Variants in CEP95 observed in about 807,000 individuals in gnomAD.
CEP95 encodes the protein centrosomal protein of 95 kDa.
In CEP95, 98 loss-of-function variants were observed where a neutral mutation model predicts 111.2. The observed-to-expected ratio is 0.88, with a 90% CI of 0.75 to 1.04. The LOEUF is 1.04. Ranked by LOEUF, CEP95 falls within the 50% of genes least tolerant of loss-of-function variation. CEP95 has a pLI of 0.00. For synonymous variants in CEP95, 323 were observed against 327.1 expected, an observed-to-expected ratio of 0.99 and a Z score of 0.14; for missense variants, 1,027 against 977.2, an observed-to-expected ratio of 1.05 and a Z score of -0.68.
chr17:64,532,663 A>T, intron 14 of CEP95, 176 bp from the exon 15 acceptor site: 1 of 1,416,412 alleles, frequency 7.1e-7, no homozygotes, highest in Non-Finnish European at 9.2e-7. Flanking sequence ...TTTTATCCTT[A>T]CCAGTAGTTG....
rs782269958 is a variant in CEP95, at chr17:64,522,803, C to T, written c.817C>T (p.Arg273Ter). ...TCCACCCTACCACCCTTCAGAGCCT[C>T]GAGCACCCTGCCCCATAGGAAAAGA... is the stretch of plus-strand genomic sequence containing the variant. Reference protein sequence around the residue: ...LHPPYHPSEPRAPCPIGKEYL... With the variant: ...LHPPYHPSEP Residue 273 changes from arginine to a stop codon, truncating the protein, a stop_gained, in exon 8 of 20, where the codon CGA (arginine) becomes TGA (stop). Transcript: ENST00000556440. LOFTEE classifies it high-confidence loss of function. 5.6e-6 allele frequency: 9 copies of T among 1,613,740 alleles called. No individual in the cohort carries two copies. Among genetic ancestry groups the T allele is most frequent in the African/African-American group, 4.0e-5 (3 of 74,898 alleles).
rs1555679727 is a variant in CEP95, at chr17:64,529,254, G to A, written c.1307-34G>A. The A allele has an allele frequency of 2.5e-6, 4 of 1,581,726 alleles. No homozygotes were observed. The South Asian group carries it at 4.7e-5, about 18-fold the overall frequency. On this transcript the variant is annotated intron_variant, in intron 11 of 19. Transcript: ENST00000556440. ...TTCCAGCATAACATTCTGGCTATCA[G>A]GAACTAATGTTATATGTCTTTTCTC...
intron 6 of CEP95, among the ~76,000 whole-genome samples, chr17:64,521,097 C>T (rs1967298305): frequency 2.0e-5 from 3 of 152,072 alleles, no homozygotes. Flanking sequence ...ATTAGCCAGG[C>T]ATGGTGGCGG....
intron 14 of CEP95, 88 bp downstream of exon 14, chr17:64,532,110 C>T: frequency 1.4e-6 from 2 of 1,393,982 alleles, no homozygotes; most frequent in Non-Finnish European, 1.9e-6. Context: ...TGAAAGCTAA[C>T]ATCCACCAGT....
At position 64,510,228 on chromosome 17, in the gene CEP95, A is replaced by G. The variant is rs2038822019; in HGVS notation, c.204A>G (p.Val68=). ...QEDDAHNVQA[V]IDSLALDYLQ... is the part of the protein sequence containing the mutation. ...ATGATGCACACAATGTACAAGCAGTAATTGATTCACTGGCCTTGGACTACT... is the reference window on the plus strand; with the variant it reads ...ATGATGCACACAATGTACAAGCAGTGATTGATTCACTGGCCTTGGACTACT... Residue 68 remains valine (V), a synonymous_variant, in exon 3 of 20, where the codon GTA becomes GTG. Transcript: ENST00000556440. 6.2e-7 allele frequency: 1 copy of G among 1,612,342 alleles called. No individual in the cohort carries two copies. Among genetic ancestry groups the G allele is most frequent in the Non-Finnish European group, 8.5e-7 (1 of 1,179,064 alleles).
At chr17:64,517,174 G>A (rs1258296096) in intron 5 of CEP95, among the ~76,000 whole-genome samples, 1 of 152,084 alleles carries the variant, frequency 6.6e-6, no homozygotes, top group Admixed American at 6.5e-5. Context: ...AGCCTCCTGA[G>A]TAGCTGGGAT....
chr17:64,534,918 C>T (rs112600770), intron 17 of CEP95, 181 bp downstream of exon 17: 25 of 640,126 alleles, frequency 3.9e-5, no homozygotes, highest in Middle Eastern at 6.0e-4. Flanking sequence ...TGTGCATTCC[C>T]GTCCATTCTC....
At chr17:64,532,204 G>T in intron 14 of CEP95, 182 bp downstream of exon 14, 1 of 1,279,578 alleles carries the variant, frequency 7.8e-7, no homozygotes, top group Non-Finnish European at 9.9e-7. Context: ...CAATAAGGAA[G>T]TACTTCAGGG....
chr17:64,511,586 T>C (rs1361318034), intron 3 of CEP95, among the ~76,000 whole-genome samples: 1 of 152,192 alleles, frequency 6.6e-6, no homozygotes, highest in African/African-American at 2.4e-5. Context: ...GGTGCCCAGA[T>C]TTCATATTGT....
rs576845385 is a variant in CEP95 at position 64,533,248 on chromosome 17, T to C, written c.1917+57T>C. ...CTGAATTTGTTATATTCATTCCCTT[T>C]ATCTGTGCTAGCTGGGCAACAGTTG... On this transcript the variant is annotated intron_variant, in intron 16 of 19. Transcript: ENST00000556440. The C allele has an allele frequency of 4.3e-5, 61 of 1,409,180 alleles. No individual in the cohort carries two copies. In the African/African-American group the frequency reaches 6.8e-4, roughly 16 times the overall value. 87.3% of individuals were successfully genotyped at this position (1,409,180 alleles called of 1,614,324 possible).
chr17:64,510,157 T>C lies in CEP95; in HGVS notation c.149-16T>C, dbSNP rs1005345723. On this transcript the variant is annotated splice_polypyrimidine_tract_variant and intron_variant, in intron 2 of 19. Coordinates refer to ENST00000556440, the MANE Select transcript of CEP95 (RefSeq NM_138363.3). ...CTCTCATGGATACAAAATTATGTGA[T>C]TTTTTCCCCCCCCAGACCTCATAGT... 10 of 1,242,608 alleles carry C rather than the reference T, an allele frequency of 8.0e-6. No homozygotes were observed. Among genetic ancestry groups the C allele is most frequent in the Non-Finnish European group, 1.1e-5 (10 of 880,186 alleles). The allele number at this position is 1,242,608 out of a possible 1,614,324, so 77.0% of individuals were successfully genotyped here.
chr17:64,526,560 T>C (rs1196908535), intron 10 of CEP95, among the ~76,000 whole-genome samples: 2 of 152,218 alleles, frequency 1.3e-5, no homozygotes, highest in Non-Finnish European at 2.9e-5. Context: ...AAATACAATA[T>C]TACAGTTTTA....
At chr17:64,530,795 G>C in intron 12 of CEP95, 131 bp from the exon 13 acceptor site, 1 of 526,044 alleles carries the variant, frequency 1.9e-6, no homozygotes, top group East Asian at 3.2e-5. Context: ...TTGGATGCTC[G>C]GTTGAGGCAC....
chr17:64,507,175 G>C, intron 1 of CEP95, 59 bp downstream of exon 1: 1 of 1,550,860 alleles, frequency 6.4e-7, no homozygotes, highest in Non-Finnish European at 8.7e-7. Context: ...CTCCAGGGAG[G>C]CCTCGGGCTA....
rs564319230 is a variant in CEP95 at position 64,507,035 on chromosome 17, C to T, written c.-63C>T. ...CAGTGTCGGGTCTGCGTGGATCGGT[C>T]CTTCCAGGACACCGTCGCCTTCCCG... On this transcript the variant is annotated 5_prime_UTR_variant, in exon 1 of 20. Coordinates refer to ENST00000556440, the MANE Select transcript of CEP95 (RefSeq NM_138363.3). 64 of 1,546,610 alleles carry T rather than the reference C, an allele frequency of 4.1e-5. No homozygotes were observed. The East Asian group carries it at 6.6e-4, about 16-fold the overall frequency.
At chr17:64,523,287 T>C (rs1555678431) in intron 8 of CEP95, among the ~76,000 whole-genome samples, 3 of 152,176 alleles carry the variant, frequency 2.0e-5, no homozygotes, top group Non-Finnish European at 1.5e-5. Context: ...ACTATATTTA[T>C]TTATTGTTGG....
chr17:64,532,787 T>A, intron 14 of CEP95, 52 bp from the exon 15 acceptor site: 2 of 1,564,916 alleles, frequency 1.3e-6, no homozygotes, highest in Non-Finnish European at 1.7e-6. Flanking sequence ...GGATGTTGGA[T>A]GACAGTTCTT....
intron 16 of CEP95, among the ~76,000 whole-genome samples, chr17:64,533,440 A>G (rs1292999457): frequency 1.3e-5 from 2 of 151,980 alleles, no homozygotes; most frequent in African/African-American, 4.8e-5. Context: ...AAAAATATAT[A>G]TATGGGTGTG....
At chr17:64,525,660 G>C in intron 8 of CEP95, 110 bp from the exon 9 acceptor site, 1 of 652,676 alleles carries the variant, frequency 1.5e-6, no homozygotes, top group Non-Finnish European at 2.6e-6. Flanking sequence ...AAAACACGGA[G>C]ATTGAAGGCA....
Sources: gnomAD v4.1 joint callset for allele counts (sites outside exome capture counted in the v4.1 genomes callset) on GRCh38, gnomAD v4.1.1 for gene constraint, MANE v1.5 for transcripts, NCBI Gene and HGNC (gene_info 2026-07-23, HGNC 2026-07-21) for gene names.